The following ARHGAP32 variants were observed in gnomAD, a reference collection of about 807,000 sequenced individuals.
ARHGAP32 encodes the protein rho GTPase-activating protein 32.
In ARHGAP32, 51 loss-of-function variants were observed where a neutral mutation model predicts 186.5. The observed-to-expected ratio is 0.27, with a 90% CI of 0.22 to 0.35. ARHGAP32 has a LOEUF of 0.35. Among genes scored for constraint, ARHGAP32 ranks in the 10% least tolerant of loss-of-function variants. The pLI is 1.00. For missense variants in ARHGAP32, 2,186 were observed against 2,623.5 expected, an observed-to-expected ratio of 0.83 and a Z score of 3.64; for synonymous variants, 950 against 964.3, an observed-to-expected ratio of 0.99 and a Z score of 0.27.
At chr11:129,170,227 G>C (rs1186540531) in intron 1 of ARHGAP32, among the ~76,000 whole-genome samples, 2 of 145,572 alleles carry the variant, frequency 1.4e-5, no homozygotes, top group South Asian at 4.3e-4. Flanking sequence ...AAAAAAAAAC[G>C]GGATACATAT....
upstream of ARHGAP32, among the ~76,000 whole-genome samples, chr11:129,195,803 C>T (rs765412668): frequency 7.9e-5 from 12 of 152,188 alleles, no homozygotes; most frequent in Non-Finnish European, 1.5e-4. Context: ...GAAAATCCAG[C>T]GGAATCAACA....
At chr11:129,238,756 A>AACACACACACAC (rs71057936) in intron 1 of ARHGAP32, among the ~76,000 whole-genome samples, 4,103 of 148,328 alleles carry the variant, frequency 0.028, 96 homozygotes, top group African/African-American at 0.065. Context: ...ACTTATTTTA[A>AACACACACACAC]ACACACACAC....
Position 128,974,747 on chromosome 11 carries a change from C to T in ARHGAP32, c.2450G>A (p.Ser817Asn). Residue 817 changes from serine (S) to asparagine (N), a missense_variant, in exon 21 of 23, where the codon AGT becomes AAT. Transcript: ENST00000682385. ...LDFDPMSFQC[S>N]PPKAESECLE... Reference sequence around the variant, plus strand: ...ACATTCTGATTCGGCCTTAGGAGGACTACATTGAAATGACATTGGATCAAA... The same window carrying T: ...ACATTCTGATTCGGCCTTAGGAGGATTACATTGAAATGACATTGGATCAAA... 1 of 1,614,146 alleles carries T rather than the reference C, an allele frequency of 6.2e-7. No homozygotes were observed. Among genetic ancestry groups the T allele is most frequent in the Non-Finnish European group, 8.5e-7 (1 of 1,180,026 alleles).
At chr11:129,169,587 G>C (rs949865147) in intron 1 of ARHGAP32, among the ~76,000 whole-genome samples, 1 of 136,384 alleles carries the variant, frequency 7.3e-6, no homozygotes, top group African/African-American at 2.8e-5. Context: ...AGCTGAGATC[G>C]CACCACTGCA....
chr11:128,966,637 GGTTTTA>G lies in ARHGAP32; in HGVS notation c.*2264_*2269del, dbSNP rs1388340924. On this transcript the variant is annotated 3_prime_UTR_variant, in exon 23 of 23. Transcript: ENST00000682385. ...AATTAACCCTACTATTTATAAAATAGGTTTTAGTTTCAGGACTAAACAATGTGTGTG... is the reference window on the plus strand; with the variant it reads ...AATTAACCCTACTATTTATAAAATAGGTTTCAGGACTAAACAATGTGTGTG... The G allele has an allele frequency of 6.6e-6, 1 of 152,116 alleles. No individual in the cohort carries two copies. Among genetic ancestry groups the G allele is most frequent in the African/African-American group, 2.4e-5 (1 of 41,430 alleles). The allele number at this position is 152,116 out of a possible 1,614,324, so 9.4% of individuals were successfully genotyped here. A position where few individuals can be genotyped will look rare whatever the true frequency, so the allele number is the denominator to read the frequency against.
rs1565380924 is a variant in ARHGAP32 at position 129,023,269 on chromosome 11, G to C, written c.1045+17659C>G. Among the ~76,000 whole-genome samples, 5 of 152,272 alleles carry C rather than the reference G, an allele frequency of 3.3e-5. No homozygotes were observed. In the South Asian group the frequency reaches 1.0e-3, roughly 32 times the overall value. On this transcript the variant is annotated intron_variant, in intron 11 of 22. Transcript: ENST00000682385. ...TGAGATTTAATACAAAATATTTTAT[G>C]GATGGAGATGGTTATCCTTACCAAT... is the stretch of plus-strand genomic sequence containing the variant.
At chr11:129,125,713 TATG>T (rs1942643629) in intron 2 of ARHGAP32, among the ~76,000 whole-genome samples, 1 of 151,926 alleles carries the variant, frequency 6.6e-6, no homozygotes, top group Admixed American at 6.6e-5. Flanking sequence ...TTTTCAAAGA[TATG>T]AGGTAACAAT....
chr11:129,279,608 G>C (rs1318274786), upstream of ARHGAP32, among the ~76,000 whole-genome samples: 4 of 145,292 alleles, frequency 2.8e-5, no homozygotes, highest in African/African-American at 9.8e-5. Context: ...TCCTGCACCC[G>C]CGACGCCCGC....
chr11:129,244,234 A>G (rs555854988), intron 1 of ARHGAP32, among the ~76,000 whole-genome samples: 6 of 152,352 alleles, frequency 3.9e-5, no homozygotes, highest in African/African-American at 1.4e-4. Flanking sequence ...ACCCTGTCTC[A>G]GAAAAAAAGA....
intron 10 of ARHGAP32, among the ~76,000 whole-genome samples, chr11:129,055,511 T>C (rs936183546): frequency 1.3e-5 from 2 of 152,180 alleles, no homozygotes; most frequent in African/African-American, 4.8e-5. Flanking sequence ...CATTCATAAT[T>C]GCTAAAAACA....
At chr11:129,198,652 G>C (rs763757715) in intron 1 of ARHGAP32, among the ~76,000 whole-genome samples, 29 of 152,186 alleles carry the variant, frequency 1.9e-4, no homozygotes, top group Admixed American at 1.8e-3. Flanking sequence ...GTGGAACTGT[G>C]AGTCAATTAA....
chr11:129,055,396 T>C (rs1322101342), intron 10 of ARHGAP32, among the ~76,000 whole-genome samples: 1 of 152,238 alleles, frequency 6.6e-6, no homozygotes, highest in African/African-American at 2.4e-5. Flanking sequence ...AAATTCAACA[T>C]ACTCTTACCA....
chr11:128,989,516 T>TCACACACACACACACACACACA (rs56090706), intron 12 of ARHGAP32, among the ~76,000 whole-genome samples: 44 of 139,032 alleles, frequency 3.2e-4, no homozygotes, highest in Non-Finnish European at 5.7e-4. Context: ...GTTTTTTATT[T>TCACACACACACACACACACACA]CACACACACA....
At chr11:129,124,532 A>G (rs1942612572) in intron 3 of ARHGAP32, among the ~76,000 whole-genome samples, 1 of 152,198 alleles carries the variant, frequency 6.6e-6, no homozygotes, top group African/African-American at 2.4e-5. Context: ...AAGGGTACCA[A>G]GAATGACATG....
At chr11:129,266,109 A>G (rs547531809) in intron 1 of ARHGAP32, among the ~76,000 whole-genome samples, 1 of 152,336 alleles carries the variant, frequency 6.6e-6, no homozygotes, top group South Asian at 2.1e-4. Flanking sequence ...TAGATGAATA[A>G]GAGTGACAAG....
intron 2 of ARHGAP32, among the ~76,000 whole-genome samples, chr11:129,129,372 G>T (rs575597402): frequency 6.6e-6 from 1 of 151,730 alleles, no homozygotes; most frequent in African/African-American, 2.4e-5. Context: ...TCTGGGAAGT[G>T]AGGAGCCCCT....
intron 2 of ARHGAP32, among the ~76,000 whole-genome samples, chr11:129,161,598 A>G (rs1565450222): frequency 6.6e-6 from 1 of 152,230 alleles, no homozygotes; most frequent in Non-Finnish European, 1.5e-5. Context: ...CCACAATGAG[A>G]TACCACCTCA....
intron 1 of ARHGAP32, among the ~76,000 whole-genome samples, chr11:129,274,925 G>A (rs1945514151): frequency 6.8e-6 from 1 of 146,094 alleles, no homozygotes; most frequent in Non-Finnish European, 1.5e-5. Flanking sequence ...AAAAAAGCCA[G>A]TACCAGTACC....
At chr11:129,045,016 G>A (rs1939752372) in intron 10 of ARHGAP32, among the ~76,000 whole-genome samples, 1 of 152,124 alleles carries the variant, frequency 6.6e-6, no homozygotes. Flanking sequence ...CAATGAATTA[G>A]GTTTAGGTAT....
Sources: allele counts gnomAD v4.1 joint callset (sites outside exome capture counted in the v4.1 genomes callset), GRCh38; gene constraint gnomAD v4.1.1; transcripts MANE v1.5; gene names NCBI Gene and HGNC (gene_info 2026-07-23, HGNC 2026-07-21).